The following GREB1L variants were observed in gnomAD, a reference collection of about 807,000 sequenced individuals.
The protein encoded by GREB1L is GREB1 like retinoic acid receptor coactivator, also known as GREB1-like protein.
GREB1L carries 17 observed loss-of-function variants against 200.8 expected under a neutral mutation model. That is an observed-to-expected ratio of 0.08 (90% CI 0.06 to 0.13). The LOEUF is 0.13. Among genes scored for constraint, GREB1L ranks in the 10% least tolerant of loss-of-function variants. GREB1L has a pLI of 1.00. For missense variants in GREB1L, 1,657 were observed against 2,367.7 expected (o/e 0.70, Z 6.23); for synonymous variants, 789 against 893.0 (o/e 0.88, Z 2.08).
chr18:21,439,461 C>T, intron 7 of GREB1L, 60 bp from the exon 8 acceptor site: 1 of 997,544 alleles, frequency 1.0e-6, no homozygotes, highest in Non-Finnish European at 1.6e-6. Context: ...TTCCAGCATC[C>T]CAGAAAGCAG....
intron 1 of GREB1L, among the ~76,000 whole-genome samples, chr18:21,306,564 A>G (rs2144745919): frequency 6.6e-6 from 1 of 152,360 alleles, no homozygotes; most frequent in Middle Eastern, 3.4e-3. Context: ...AGAGTCTGAA[A>G]TCGTGGTAAG....
rs778551970 is a variant in GREB1L at position 21,508,608 on chromosome 18, G to T, written c.4735+17G>T. On this transcript the variant is annotated intron_variant, in intron 27 of 32. Transcript: ENST00000424526. The stretch of plus-strand genomic sequence containing the variant: ...CAGGCGTGGGTAAGGGGCCCCCCTG[G>T]GATGGGGAGAAGGGCTTCGAAGATA... 55 of 1,548,880 alleles carry T rather than the reference G, an allele frequency of 3.6e-5. No individual in the cohort carries two copies. Among genetic ancestry groups the T allele is most frequent in the Middle Eastern group, 3.4e-4 (2 of 5,876 alleles).
chr18:21,419,642 G>T (rs1373983580), intron 7 of GREB1L, among the ~76,000 whole-genome samples: 3 of 152,142 alleles, frequency 2.0e-5, no homozygotes, highest in African/African-American at 4.8e-5. Flanking sequence ...TAGAAACAGG[G>T]TTTCACCATG....
chr18:21,243,564 A>G (rs1281528345), intron 1 of GREB1L, among the ~76,000 whole-genome samples: 1 of 152,224 alleles, frequency 6.6e-6, no homozygotes, highest in Non-Finnish European at 1.5e-5. Context: ...AATACAGGGA[A>G]GAGCTTTCCC....
intron 7 of GREB1L, among the ~76,000 whole-genome samples, chr18:21,420,153 A>T (rs1397088496): frequency 2.6e-5 from 4 of 152,166 alleles, no homozygotes; most frequent in African/African-American, 9.6e-5. Flanking sequence ...CGGGCAGATC[A>T]TGAGGTCAGG....
At position 21,486,001 on chromosome 18, in the gene GREB1L, G is replaced by A. The variant is rs534531177; in HGVS notation, c.2690+248G>A. On this transcript the variant is annotated intron_variant, in intron 18 of 32. Coordinates refer to ENST00000424526, the MANE Select transcript of GREB1L (RefSeq NM_001142966.3). The stretch of plus-strand genomic sequence containing the variant: ...TACTTTTCATGCTGAGTCAGCTCCC[G>A]GTCATGCTTCACTGCTATCATCAGG... 7.9e-5 allele frequency among the ~76,000 whole-genome samples: 12 copies of A among 152,222 alleles called. No individual in the cohort carries two copies. The South Asian group carries it at 1.5e-3, about 18-fold the overall frequency.
At chr18:21,338,871 T>C (rs2039227090) in intron 1 of GREB1L, among the ~76,000 whole-genome samples, 2 of 152,160 alleles carry the variant, frequency 1.3e-5, no homozygotes, top group African/African-American at 2.4e-5. Context: ...GATCAAAAAT[T>C]ATCAGTCTGA....
At chr18:21,429,239 CCTCCT>C (rs1170950641) in intron 7 of GREB1L, among the ~76,000 whole-genome samples, 6 of 102,700 alleles carry the variant, frequency 5.8e-5, no homozygotes, top group Non-Finnish European at 1.0e-4. Flanking sequence ...TTCCTCTTCC[CCTCCT>C]CTCCTCTCCT....
intron 1 of GREB1L, among the ~76,000 whole-genome samples, chr18:21,346,998 A>G (rs548599893): frequency 1.3e-5 from 2 of 152,296 alleles, no homozygotes; most frequent in East Asian, 3.9e-4. Flanking sequence ...TTGCTTCTTG[A>G]AAGGCTAATC....
intron 1 of GREB1L, among the ~76,000 whole-genome samples, chr18:21,327,376 A>G (rs1311905770): frequency 6.6e-6 from 1 of 151,968 alleles, no homozygotes; most frequent in Non-Finnish European, 1.5e-5. Flanking sequence ...GGGTCACTAA[A>G]CCCTGTCGAC....
At chr18:21,519,304 A>T (rs1248924295) in intron 31 of GREB1L, among the ~76,000 whole-genome samples, 1 of 152,156 alleles carries the variant, frequency 6.6e-6, no homozygotes, top group African/African-American at 2.4e-5. Flanking sequence ...ACTACAAAAA[A>T]TAAAAATAAT....
chr18:21,463,865 G>C (rs1329937321), intron 15 of GREB1L, among the ~76,000 whole-genome samples: 3 of 152,222 alleles, frequency 2.0e-5, no homozygotes, highest in African/African-American at 7.2e-5. Context: ...CAGCTCTGAA[G>C]TGGAAACATT....
chr18:21,348,714 G>A (rs1482780556), intron 1 of GREB1L, among the ~76,000 whole-genome samples: 5 of 152,134 alleles, frequency 3.3e-5, no homozygotes, highest in Admixed American at 3.3e-4. Context: ...GGCAGAGGTT[G>A]CAGTGAGCTG....
In GREB1L at chr18:21,526,037, C is replaced by T. The variant is rs1253897951; in HGVS notation, c.*3216C>T. ...AAAAGACTATTAATTAACTGTGAAA[C>T]TGACTGCTGCAACATCACACTAAAC... is the stretch of plus-strand genomic sequence containing the variant. On this transcript the variant is annotated 3_prime_UTR_variant, in exon 33 of 33. Coordinates refer to ENST00000424526, the MANE Select transcript of GREB1L (RefSeq NM_001142966.3). Among the ~76,000 whole-genome samples, 1 of 152,132 alleles carries T rather than the reference C, an allele frequency of 6.6e-6. No individual in the cohort carries two copies. The highest frequency in any genetic ancestry group is 2.4e-5 in the African/African-American group (1 of 41,426).
chr18:21,336,243 T>C (rs2039183976), intron 1 of GREB1L, among the ~76,000 whole-genome samples: 1 of 152,186 alleles, frequency 6.6e-6, no homozygotes, highest in Non-Finnish European at 1.5e-5. Context: ...ACCACCCTCT[T>C]CTTCCCTCTT....
chr18:21,355,312 G>A (rs2039488247), intron 1 of GREB1L, among the ~76,000 whole-genome samples: 1 of 151,318 alleles, frequency 6.6e-6, no homozygotes, highest in African/African-American at 2.4e-5. Flanking sequence ...TTCTGCCTTA[G>A]CCTCCCAAGT....
At chr18:21,361,174 AAGT>A (rs2039575101) in intron 1 of GREB1L, among the ~76,000 whole-genome samples, 1 of 152,212 alleles carries the variant, frequency 6.6e-6, no homozygotes, top group Admixed American at 6.5e-5. Context: ...AAGGATATCA[AAGT>A]ATACACTGGG....
intron 2 of GREB1L, among the ~76,000 whole-genome samples, chr18:21,373,497 C>G (rs1406825246): frequency 6.6e-6 from 1 of 152,080 alleles, no homozygotes; most frequent in Admixed American, 6.5e-5. Context: ...CCGTGCCCAG[C>G]TAATTTTTGT....
At chr18:21,491,964 G>A (rs1396975571) in intron 19 of GREB1L, among the ~76,000 whole-genome samples, 4 of 152,070 alleles carry the variant, frequency 2.6e-5, no homozygotes, top group South Asian at 2.1e-4. Flanking sequence ...TTCCTAGGAT[G>A]AATAACAAAA....
Sources: allele counts gnomAD v4.1 joint callset (sites outside exome capture counted in the v4.1 genomes callset), GRCh38; gene constraint gnomAD v4.1.1; transcripts MANE v1.5; gene names NCBI Gene and HGNC (gene_info 2026-07-23, HGNC 2026-07-21).